Variants in PPM1A observed in about 807,000 individuals in gnomAD.
PPM1A encodes the protein protein phosphatase 1A.
A neutral mutation model predicts 35.0 loss-of-function variants in PPM1A; 7 were observed. The observed-to-expected ratio is 0.20, with a 90% CI of 0.11 to 0.38. The LOEUF (loss-of-function observed/expected upper bound fraction) is 0.38. PPM1A is among the 10% of genes least tolerant of loss of function. PPM1A has a pLI of 1.00. For synonymous variants in PPM1A, 153 were observed against 167.3 expected (o/e 0.91, Z 0.66); for missense variants, 239 against 467.8 (o/e 0.51, Z 4.51).
At chr14:60,271,430 T>G (rs2139447768) in intron 1 of PPM1A, among the ~76,000 whole-genome samples, 1 of 152,342 alleles carries the variant, frequency 6.6e-6, no homozygotes, top group South Asian at 2.1e-4. Context: ...GTTTTGCTAC[T>G]TTAGAGTGAG....
At chr14:60,270,827 G>T (rs73315800) in intron 1 of PPM1A, among the ~76,000 whole-genome samples, 7 of 151,282 alleles carry the variant, frequency 4.6e-5, no homozygotes, top group South Asian at 2.1e-4. Context: ...TTCTTGATTT[G>T]TCTCTTGATG....
In PPM1A at chr14:60,249,625, C is replaced by T; in HGVS notation, c.-73C>T. On this transcript the variant is annotated 5_prime_UTR_variant, in exon 1 of 6. Transcript: ENST00000395076. The surrounding 1 kb of genome is among the most constrained non-coding windows in gnomAD (Gnocchi z 4.5). ...GCCGCGGTGACCCCCTCCCCGGCTG[C>T]CGCCGCCGCCGCCTCGGCCGACCAG... 1.0e-6 allele frequency: 1 copy of T among 985,532 alleles called. No homozygotes were observed. The highest frequency in any genetic ancestry group is 1.2e-6 in the Non-Finnish European group (1 of 830,408). The allele number at this position is 985,532 out of a possible 1,614,324, so 61.0% of individuals were successfully genotyped here.
At position 60,295,775 on chromosome 14, in the gene PPM1A, C is replaced by T. The variant is rs1047423096; in HGVS notation, c.*3293C>T. The T allele has an allele frequency of 1.3e-5, 2 of 151,380 alleles. No individual in the cohort carries two copies. The highest frequency in any genetic ancestry group is 3.0e-5 in the Non-Finnish European group (2 of 67,578). 9.4% of individuals were successfully genotyped at this position (151,380 alleles called of 1,614,324 possible). A position where few individuals can be genotyped will look rare whatever the true frequency, so the allele number is the denominator to read the frequency against. On this transcript the variant is annotated 3_prime_UTR_variant, in exon 6 of 6. Transcript: ENST00000395076. The stretch of plus-strand genomic sequence containing the variant: ...CTCATCAAAAAATATATATATATAT[C>T]TATTGCCCACCTGCTATCTACCAGG...
intron 1 of PPM1A, among the ~76,000 whole-genome samples, chr14:60,269,615 C>A (rs1402257856): frequency 6.6e-6 from 1 of 152,154 alleles, no homozygotes; most frequent in Admixed American, 6.5e-5. Flanking sequence ...ATGGTGCGAT[C>A]TAGGCTCACT....
intron 1 of PPM1A, among the ~76,000 whole-genome samples, chr14:60,269,161 T>C (rs1040449411): frequency 1.3e-5 from 2 of 152,216 alleles, no homozygotes; most frequent in African/African-American, 2.4e-5. Flanking sequence ...TGATTTACTT[T>C]GTCTGAAATT....
chr14:60,268,396 A>G (rs1884645527), intron 1 of PPM1A: 2 of 969,594 alleles, frequency 2.1e-6, no homozygotes, highest in Non-Finnish European at 2.5e-6. Context: ...AGAATTGTAC[A>G]GAGTGATTTA....
Position 60,249,623 on chromosome 14 carries a change from T to TGCC in PPM1A, c.-62_-60dup, listed in dbSNP as rs945569651. 252 of 985,918 alleles carry TGCC rather than the reference T, an allele frequency of 2.6e-4. 1 individual carries two copies. In the African/African-American group the frequency reaches 3.9e-3, roughly 15 times the overall value. The allele number at this position is 985,918 out of a possible 1,614,324, so 61.1% of individuals were successfully genotyped here. ...CCGCCGCGGTGACCCCCTCCCCGGC[T>TGCC]GCCGCCGCCGCCGCCTCGGCCGACC... is the stretch of plus-strand genomic sequence containing the variant. On this transcript the variant is annotated 5_prime_UTR_variant, in exon 1 of 6. Transcript: ENST00000395076. The surrounding 1 kb of genome is among the most constrained non-coding windows in gnomAD (Gnocchi z 4.5).
In PPM1A at chr14:60,289,719, C is replaced by T; in HGVS notation, c.953-87C>T. The T allele has an allele frequency of 1.2e-6, 1 of 831,862 alleles. No individual in the cohort carries two copies. Among genetic ancestry groups the T allele is most frequent in the Non-Finnish European group, 1.9e-6 (1 of 517,102 alleles). The allele number at this position is 831,862 out of a possible 1,614,324, so 51.5% of individuals were successfully genotyped here. A position where few individuals can be genotyped will look rare whatever the true frequency, so the allele number is the denominator to read the frequency against. On this transcript the variant is annotated intron_variant, in intron 3 of 5. Coordinates refer to ENST00000395076, the MANE Select transcript of PPM1A (RefSeq NM_021003.5). This position sits in a 1 kb window ranked among gnomAD's most constrained non-coding sequence, Gnocchi z 4.1. ...AAATCTCAGATGTGGTAAATGCCAT[C>T]TTTAAAAAGCTAGGTTATCTTTGTT... is the stretch of plus-strand genomic sequence containing the variant.
chr14:60,267,314 A>G (rs1007711175), intron 1 of PPM1A: 2 of 152,080 alleles, frequency 1.3e-5, no homozygotes, highest in Admixed American at 6.6e-5. Flanking sequence ...TTAAGGAATA[A>G]ATTTTATCAA....
chr14:60,272,776 T>C (rs918151238), intron 1 of PPM1A, among the ~76,000 whole-genome samples: 2 of 151,738 alleles, frequency 1.3e-5, no homozygotes, highest in Non-Finnish European at 2.9e-5. Flanking sequence ...ATTATCAGTT[T>C]GGTGATACGT....
At chr14:60,261,197 A>G (rs1415936965) in intron 1 of PPM1A, among the ~76,000 whole-genome samples, 1 of 152,168 alleles carries the variant, frequency 6.6e-6, no homozygotes, top group Non-Finnish European at 1.5e-5. Context: ...AGAAGAAGAG[A>G]TTGCTCAGGC....
rs1293605752 is a variant in PPM1A, at chr14:60,278,954, A to G, written c.-20-3730A>G. ...TCATTGAATATGTCACCTTGGATGG[A>G]TGGATGGGAGAGTTTCTTCAAGACA... On this transcript the variant is annotated intron_variant, in intron 1 of 5. Coordinates refer to ENST00000395076, the MANE Select transcript of PPM1A (RefSeq NM_021003.5). 2.6e-5 allele frequency among the ~76,000 whole-genome samples: 4 copies of G among 152,248 alleles called. No individual in the cohort carries two copies. In the East Asian group the frequency reaches 5.8e-4, roughly 22 times the overall value.
chr14:60,274,171 G>C (rs1472581118), intron 1 of PPM1A, among the ~76,000 whole-genome samples: 1 of 152,206 alleles, frequency 6.6e-6, no homozygotes. Context: ...TAGGAAGAAA[G>C]CTGGGAGTGT....
intron 2 of PPM1A, among the ~76,000 whole-genome samples, chr14:60,284,289 C>G (rs1566600790): frequency 6.6e-6 from 1 of 152,178 alleles, no homozygotes; most frequent in Non-Finnish European, 1.5e-5. Flanking sequence ...GTTTTGTACT[C>G]TACATTCCTG....
chr14:60,280,232 C>G (rs1365978286), intron 1 of PPM1A, among the ~76,000 whole-genome samples: 1 of 152,146 alleles, frequency 6.6e-6, no homozygotes, highest in African/African-American at 2.4e-5. Flanking sequence ...TCTAGAACTC[C>G]TGACCTCATG....
At chr14:60,285,590 A>G (rs1886928030) in intron 2 of PPM1A, 34 bp from the exon 3 acceptor site, 2 of 1,606,836 alleles carry the variant, frequency 1.2e-6, no homozygotes, top group Non-Finnish European at 1.7e-6. Flanking sequence ...AGCAAAAAGA[A>G]AACTAAAATA....
chr14:60,256,338 C>T (rs1883134492), intron 1 of PPM1A, among the ~76,000 whole-genome samples: 1 of 152,148 alleles, frequency 6.6e-6, no homozygotes, highest in Non-Finnish European at 1.5e-5. Flanking sequence ...GGAGGCTGAG[C>T]AGGGGAATTG....
intron 4 of PPM1A, among the ~76,000 whole-genome samples, chr14:60,291,017 TCA>T (rs1329153724): frequency 6.6e-6 from 1 of 152,148 alleles, no homozygotes; most frequent in Non-Finnish European, 1.5e-5. Context: ...ATCTGAGACT[TCA>T]AAACTACGAT....
chr14:60,285,472 G>T lies in PPM1A; in HGVS notation c.835-152G>T. 2 of 688,568 alleles carry T rather than the reference G, an allele frequency of 2.9e-6. 1 individual carries two copies. Among genetic ancestry groups the T allele is most frequent in the South Asian group, 4.0e-5 (2 of 49,396 alleles). The allele number at this position is 688,568 out of a possible 1,614,324, so 42.7% of individuals were successfully genotyped here. A position where few individuals can be genotyped will look rare whatever the true frequency, so the allele number is the denominator to read the frequency against. ...AGGGGGAGTCATTGCACACACACAC[G>T]CACGCATGCGTGCACATATGTATTT... is the stretch of plus-strand genomic sequence containing the variant. On this transcript the variant is annotated intron_variant, in intron 2 of 5. Transcript: ENST00000395076.
Sources: gnomAD v4.1 joint callset for allele counts (sites outside exome capture counted in the v4.1 genomes callset) on GRCh38, gnomAD v4.1.1 for gene constraint, Gnocchi (gnomAD v3.1) non-coding constraint, MANE v1.5 for transcripts, NCBI Gene and HGNC (gene_info 2026-07-23, HGNC 2026-07-21) for gene names.